The following LRRC18 variants were observed in gnomAD, a reference collection of about 807,000 sequenced individuals.
The protein encoded by LRRC18 is leucine rich repeat containing 18.
Under a neutral mutation model 11.2 loss-of-function variants are expected in LRRC18, and 12 were observed. The ratio of observed to expected loss-of-function variants is 1.07; its 90% CI spans 0.69 to 1.74. The LOEUF (loss-of-function observed/expected upper bound fraction) is 1.74. Among genes scored for constraint, LRRC18 ranks in the 40% most tolerant of loss-of-function variants. The pLI is 0.00. For missense variants in LRRC18, 374 were observed against 330.5 expected, an observed-to-expected ratio of 1.13 and a Z score of -1.02; for synonymous variants, 155 against 130.6, an observed-to-expected ratio of 1.19 and a Z score of -1.27.
At chr10:48,909,551 T>A (rs1303474415) in exon 2 of LRRC18, 1 of 152,168 alleles carries the variant, frequency 6.6e-6, no homozygotes, top group African/African-American at 2.4e-5. Flanking sequence ...CACCTCCTTC[T>A]GGTGAGGGCT....
At chr10:48,930,473 G>A in the LRRC18 span, among the ~76,000 whole-genome samples, 2 of 152,128 alleles carry the variant, frequency 1.3e-5, no homozygotes, top group East Asian at 1.9e-4. Context: ...CAGTAGCATC[G>A]CACTTGAGGC....
chr10:48,926,252 A>G, the LRRC18 span, among the ~76,000 whole-genome samples: 4 of 152,328 alleles, frequency 2.6e-5, no homozygotes, highest in African/African-American at 7.2e-5. Flanking sequence ...TAGCCCCTCC[A>G]TGGCCCCAGG....
chr10:48,913,451 G>A (rs1424302451), exon 1 of LRRC18: 1 of 1,613,522 alleles, frequency 6.2e-7, no homozygotes, highest in East Asian at 2.2e-5. Context: ...TGGGAAAGAT[G>A]GTCTTTCTCG....
At chr10:48,939,718 A>C in the LRRC18 span, among the ~76,000 whole-genome samples, 1 of 152,252 alleles carries the variant, frequency 6.6e-6, no homozygotes, top group African/African-American at 2.4e-5. Context: ...ATGATTTTAA[A>C]ACAATATTTT....
chr10:48,919,081 A>G (rs1838815484), upstream of LRRC18, among the ~76,000 whole-genome samples: 1 of 152,220 alleles, frequency 6.6e-6, no homozygotes, highest in Non-Finnish European at 1.5e-5. Context: ...GTCATGAAAC[A>G]AGCCTTAACG....
At chr10:48,915,393 GCCT>G (rs1328625708), upstream of LRRC18, among the ~76,000 whole-genome samples, 3 of 146,602 alleles carry the variant, frequency 2.0e-5, no homozygotes, top group Non-Finnish European at 4.5e-5. Context: ...CTTTTTAAAG[GCCT>G]CCTGTGCCTC....
the LRRC18 span, among the ~76,000 whole-genome samples, chr10:48,934,458 A>G: frequency 6.6e-6 from 1 of 152,208 alleles, no homozygotes; most frequent in African/African-American, 2.4e-5. Context: ...GTGGAGTCAC[A>G]AAGACTCTAA....
intron 1 of LRRC18, among the ~76,000 whole-genome samples, chr10:48,910,568 GGTCTCTATCTCCA>G (rs1398546546): frequency 1.3e-5 from 2 of 152,186 alleles, no homozygotes; most frequent in Non-Finnish European, 2.9e-5. Context: ...CCTCCTAACT[GGTCTCTATCTCCA>G]GTCTGCTTCG....
chr10:48,922,837 C>T, the LRRC18 span, among the ~76,000 whole-genome samples: 5,808 of 152,148 alleles, frequency 0.038, 236 homozygotes, highest in African/African-American at 0.096. Context: ...CTGAAAAAGC[C>T]ATAACTTTAG....
the LRRC18 span, among the ~76,000 whole-genome samples, chr10:48,927,409 G>A: frequency 6.6e-6 from 1 of 152,162 alleles, no homozygotes; most frequent in Non-Finnish European, 1.5e-5. Context: ...AGTTTGTCCA[G>A]GCTCACACAG....
chr10:48,929,762 T>A, the LRRC18 span, among the ~76,000 whole-genome samples: 2 of 152,272 alleles, frequency 1.3e-5, no homozygotes, highest in African/African-American at 4.8e-5. Context: ...CAAGCCCAGC[T>A]CCCAGCCAGC....
chr10:48,917,876 A>T (rs1038675417), upstream of LRRC18, among the ~76,000 whole-genome samples: 9 of 152,196 alleles, frequency 5.9e-5, no homozygotes, highest in Non-Finnish European at 1.3e-4. Flanking sequence ...TATGTATGTG[A>T]TCGAAAGAAA....
At chr10:48,911,182 CAT>C (rs1157236977) in intron 1 of LRRC18, among the ~76,000 whole-genome samples, 3 of 152,314 alleles carry the variant, frequency 2.0e-5, no homozygotes, top group East Asian at 3.9e-4. Flanking sequence ...TCTCATCACA[CAT>C]GTCTCAGACA....
chr10:48,914,217 G>A, exon 1 of LRRC18: 1 of 1,506,186 alleles, frequency 6.6e-7, no homozygotes, highest in Non-Finnish European at 8.9e-7. Flanking sequence ...TCAGTGTGAG[G>A]AAAAATCATG....
chr10:48,919,454 A>G, the LRRC18 span, among the ~76,000 whole-genome samples: 1 of 152,238 alleles, frequency 6.6e-6, no homozygotes, highest in Admixed American at 6.5e-5. Flanking sequence ...TCTATCAAAC[A>G]TTTAAAGAAG....
At chr10:48,938,095 T>C in the LRRC18 span, among the ~76,000 whole-genome samples, 3 of 152,250 alleles carry the variant, frequency 2.0e-5, no homozygotes, top group South Asian at 4.1e-4. Context: ...TTTCTTCTCA[T>C]TGTGGCTTGC....
At chr10:48,917,055 A>G (rs1454092708), upstream of LRRC18, among the ~76,000 whole-genome samples, 2 of 152,134 alleles carry the variant, frequency 1.3e-5, no homozygotes, top group African/African-American at 2.4e-5. Context: ...ACAATTGCCT[A>G]TAGTGTTTAG....
At chr10:48,919,946 A>T in the LRRC18 span, among the ~76,000 whole-genome samples, 1 of 152,206 alleles carries the variant, frequency 6.6e-6, no homozygotes, top group Admixed American at 6.5e-5. Flanking sequence ...TCACACAAAG[A>T]CATATAAGAA....
At chr10:48,909,566 G>A (rs896084434) in exon 2 of LRRC18, 2 of 152,198 alleles carry the variant, frequency 1.3e-5, no homozygotes, top group South Asian at 2.1e-4. Context: ...AGGGCTTTGG[G>A]GTATAGGTGC....
Sources: allele counts gnomAD v4.1 joint callset (sites outside exome capture counted in the v4.1 genomes callset), GRCh38; gene constraint gnomAD v4.1.1; transcripts MANE v1.5; gene names NCBI Gene and HGNC (gene_info 2026-07-23, HGNC 2026-07-21).